Variants in SLC26A7 observed in about 807,000 individuals in gnomAD.
SLC26A7 encodes anion exchange transporter.
Under a neutral mutation model 82.5 loss-of-function variants are expected in SLC26A7, and 59 were observed. That is an observed-to-expected ratio of 0.72 (90% confidence interval 0.58 to 0.89). The LOEUF is 0.89. SLC26A7 is among the 40% of genes least tolerant of loss of function. The pLI is 0.00. For missense variants in SLC26A7, 820 were observed against 793.0 expected, an observed-to-expected ratio of 1.03 and a Z score of -0.41; for synonymous variants, 271 against 274.3, an observed-to-expected ratio of 0.99 and a Z score of 0.12.
chr8:91,358,873 T>C (rs973873075), intron 11 of SLC26A7, among the ~76,000 whole-genome samples: 6 of 151,844 alleles, frequency 4.0e-5, no homozygotes, highest in Admixed American at 1.3e-4. Flanking sequence ...TAGGTGGGAA[T>C]TGAACAATGA....
chr8:91,358,985 C>T (rs535333011), intron 11 of SLC26A7, among the ~76,000 whole-genome samples: 80 of 152,238 alleles, frequency 5.3e-4, no homozygotes, highest in Middle Eastern at 3.4e-3. Context: ...ATATAAATGA[C>T]GAGTTAATGG....
intron 17 of SLC26A7, 41 bp downstream of exon 17, chr8:91,393,892 T>C: frequency 6.2e-7 from 1 of 1,612,966 alleles, no homozygotes; most frequent in South Asian, 1.1e-5. Flanking sequence ...GTGATTTTTC[T>C]GCACTTCCAC....
Position 91,343,424 on chromosome 8 carries a change from G to T in SLC26A7, c.1098G>T (p.Met366Ile). The T allele has an allele frequency of 6.2e-7, 1 of 1,612,884 alleles. No homozygotes were observed. Among genetic ancestry groups the T allele is most frequent in the Non-Finnish European group, 8.5e-7 (1 of 1,179,872 alleles). ...TCTGCATACCAAGTGCTGCTGCCAT[G>T]GGAAGGACGGCTGGCCTGTACAGCA... ...FFFCIPSAAA[M>I]GRTAGLYSTG... Residue 366 changes from methionine to isoleucine, a missense_variant, in exon 9 of 19, where the codon ATG (methionine) becomes ATT (isoleucine). Physicochemically the swap from Met to Ile is conservative, Grantham distance 10. Coordinates refer to ENST00000276609, the MANE Select transcript of SLC26A7 (RefSeq NM_052832.4).
At position 91,318,395 on chromosome 8, in the gene SLC26A7, T is replaced by C. The variant is rs1388930377; in HGVS notation, c.642+15T>C. 3 of 1,592,096 alleles carry C rather than the reference T, an allele frequency of 1.9e-6. No homozygotes were observed. Among genetic ancestry groups the C allele is most frequent in the Admixed American group, 3.4e-5 (2 of 58,068 alleles). On this transcript the variant is annotated intron_variant, in intron 5 of 18. Transcript: ENST00000276609. ...GATTCTTTTATGTGAGTTTTTCGTA[T>C]GCTTTCATACATATCTTTTGAATGT...
intron 15 of SLC26A7, among the ~76,000 whole-genome samples, chr8:91,376,787 T>C (rs1265063849): frequency 2.0e-5 from 3 of 152,102 alleles, no homozygotes; most frequent in Non-Finnish European, 2.9e-5. Flanking sequence ...GGGGAGATCA[T>C]GTTGGGCTGT....
chr8:91,241,280 A>C (rs1335822531), intron 2 of SLC26A7, among the ~76,000 whole-genome samples: 2 of 152,162 alleles, frequency 1.3e-5, no homozygotes, highest in Admixed American at 6.5e-5. Context: ...AAAAAATTAC[A>C]TGTATAGTAA....
chr8:91,266,594 T>A (rs1183210645), intron 2 of SLC26A7, among the ~76,000 whole-genome samples: 1 of 152,030 alleles, frequency 6.6e-6, no homozygotes, highest in Non-Finnish European at 1.5e-5. Flanking sequence ...TGATTTTGTA[T>A]CCTGAAACTT....
intron 15 of SLC26A7, among the ~76,000 whole-genome samples, chr8:91,384,761 T>TGGGAGGAAGGAAGGAAGGAAGGAA: frequency 7.1e-6 from 1 of 140,156 alleles, no homozygotes; most frequent in Non-Finnish European, 1.5e-5. Context: ...AGCTGACTGC[T>TGGGAGGAAGGAAGGAAGGAAGGAA]GGGAGGAAGG....
chr8:91,359,726 G>C (rs1214537634), intron 11 of SLC26A7, among the ~76,000 whole-genome samples: 3 of 152,090 alleles, frequency 2.0e-5, no homozygotes, highest in African/African-American at 4.8e-5. Context: ...AGCATTCAAA[G>C]GATTATTGGA....
At chr8:91,247,913 AG>A (rs1442784772), upstream of SLC26A7, among the ~76,000 whole-genome samples, 1 of 152,318 alleles carries the variant, frequency 6.6e-6, no homozygotes, top group Non-Finnish European at 1.5e-5. Flanking sequence ...TTTATTATAA[AG>A]GTAATACATA....
chr8:91,362,544 T>G (rs1814079138), intron 12 of SLC26A7, 85 bp downstream of exon 12: 16 of 968,128 alleles, frequency 1.7e-5, no homozygotes, highest in Middle Eastern at 2.2e-4. Flanking sequence ...GCTAGTTACT[T>G]TTATTTCTCT....
chr8:91,220,402 T>G (rs1810140953), intron 2 of SLC26A7, among the ~76,000 whole-genome samples: 1 of 150,836 alleles, frequency 6.6e-6, no homozygotes. Flanking sequence ...AAAAAAAAAC[T>G]GGGATACATG....
chr8:91,319,623 A>G (rs1288421868), intron 5 of SLC26A7, among the ~76,000 whole-genome samples: 1 of 152,216 alleles, frequency 6.6e-6, no homozygotes, highest in African/African-American at 2.4e-5. Context: ...AGCTCAAACA[A>G]AAGCAGACCA....
chr8:91,285,315 A>AT (rs397821630), intron 2 of SLC26A7, among the ~76,000 whole-genome samples: 1 of 151,092 alleles, frequency 6.6e-6, no homozygotes, highest in African/African-American at 2.4e-5. Flanking sequence ...TGCCTTCATC[A>AT]CATGTGTTTT....
intron 4 of SLC26A7, among the ~76,000 whole-genome samples, chr8:91,297,275 A>T (rs1315318037): frequency 2.0e-5 from 3 of 151,972 alleles, no homozygotes; most frequent in Admixed American, 6.6e-5. Flanking sequence ...AGACCTGGCA[A>T]CCTTCTGCTT....
intron 11 of SLC26A7, among the ~76,000 whole-genome samples, chr8:91,356,901 G>A (rs1813885340): frequency 6.6e-6 from 1 of 152,114 alleles, no homozygotes; most frequent in Non-Finnish European, 1.5e-5. Context: ...CAACATAGGA[G>A]AGCAGGAGGT....
chr8:91,357,131 T>C (rs775991449), intron 11 of SLC26A7: 1 of 152,186 alleles, frequency 6.6e-6, no homozygotes, highest in Non-Finnish European at 1.5e-5. Flanking sequence ...ATGAGTACAT[T>C]TCCTTTTTCT....
chr8:91,246,352 A>G (rs953929874), upstream of SLC26A7, among the ~76,000 whole-genome samples: 4 of 152,258 alleles, frequency 2.6e-5, no homozygotes, highest in African/African-American at 9.6e-5. Flanking sequence ...TAAAAATCAC[A>G]TGAAATAGAT....
At chr8:91,350,920 A>G (rs1813697689) in intron 9 of SLC26A7, among the ~76,000 whole-genome samples, 1 of 152,158 alleles carries the variant, frequency 6.6e-6, no homozygotes, top group Non-Finnish European at 1.5e-5. Context: ...CCCACCAGCA[A>G]TGCCTGAGAA....
Sources: allele counts gnomAD v4.1 joint callset (sites outside exome capture counted in the v4.1 genomes callset), GRCh38; gene constraint gnomAD v4.1.1; transcripts MANE v1.5; gene names NCBI Gene and HGNC (gene_info 2026-07-23, HGNC 2026-07-21).